ALMS1: variants seen among roughly 807,000 people sequenced by gnomAD.
The protein encoded by ALMS1 is ALMS1 centrosome and basal body associated protein, also known as centrosome-associated protein ALMS1.
A neutral mutation model predicts 352.2 loss-of-function variants in ALMS1; 271 were observed. That is an observed-to-expected ratio of 0.77 (90% CI 0.70 to 0.85). ALMS1 has a LOEUF of 0.85. ALMS1 is among the 40% of genes least tolerant of loss of function. The probability of loss-of-function intolerance (pLI) is 0.00; values close to 1 mark genes in which losing one functional copy is unlikely to be tolerated. For synonymous variants in ALMS1, 1,865 were observed against 1,761.2 expected, an observed-to-expected ratio of 1.06 and a Z score of -1.48; for missense variants, 5,445 against 4,870.7, an observed-to-expected ratio of 1.12 and a Z score of -3.51.
At chr2:73,418,069 T>G (rs993695086) in intron 2 of ALMS1, among the ~76,000 whole-genome samples, 1 of 152,206 alleles carries the variant, frequency 6.6e-6, no homozygotes, top group Admixed American at 6.5e-5. Context: ...TTGTGTTTTA[T>G]ATCTTGGGCT....
intron 15 of ALMS1, among the ~76,000 whole-genome samples, chr2:73,565,916 T>C (rs1217667094): frequency 6.6e-6 from 1 of 152,166 alleles, no homozygotes; most frequent in Admixed American, 6.5e-5. Flanking sequence ...GGAGACATGA[T>C]AATTAAATGT....
intron 2 of ALMS1, among the ~76,000 whole-genome samples, chr2:73,410,619 A>C (rs1055769753): frequency 1.3e-5 from 2 of 152,196 alleles, no homozygotes; most frequent in African/African-American, 4.8e-5. Flanking sequence ...CCTTACATAG[A>C]TGAAAAAGGA....
intron 15 of ALMS1, among the ~76,000 whole-genome samples, chr2:73,561,423 C>G (rs971684658): frequency 6.6e-6 from 1 of 152,210 alleles, no homozygotes; most frequent in African/African-American, 2.4e-5. Flanking sequence ...GTGCCTGTTG[C>G]TGCCTCTGGG....
intron 10 of ALMS1, among the ~76,000 whole-genome samples, chr2:73,494,062 A>G (rs937288247): frequency 6.6e-6 from 1 of 152,218 alleles, no homozygotes; most frequent in African/African-American, 2.4e-5. Context: ...TCACATGGCC[A>G]TGGCTTTGGC....
chr2:73,597,508 G>A (rs941370506), intron 16 of ALMS1, among the ~76,000 whole-genome samples: 1 of 152,096 alleles, frequency 6.6e-6, no homozygotes, highest in African/African-American at 2.4e-5. Context: ...TGCAGAGAAG[G>A]TATAATGTAT....
chr2:73,606,340 T>C (rs1423549997), intron 21 of ALMS1, among the ~76,000 whole-genome samples: 1 of 152,224 alleles, frequency 6.6e-6, no homozygotes, highest in Admixed American at 6.5e-5. Flanking sequence ...AAAATATTTT[T>C]GAACCACTGC....
At chr2:73,407,996 G>T (rs1471744684) in intron 1 of ALMS1, among the ~76,000 whole-genome samples, 1 of 151,902 alleles carries the variant, frequency 6.6e-6, no homozygotes, top group African/African-American at 2.4e-5. Context: ...TCTTTTTGTG[G>T]TTGTTTCTGC....
rs768094497 is a variant in ALMS1 at position 73,451,114 on chromosome 2, G to C, written c.4587G>C (p.Lys1529Asn). The stretch of plus-strand genomic sequence containing the variant: ...CTTCCTACTCACAACATAGAGCAAA[G>C]TCTGGCAGTTTCTACCAACTGGCAT... ...TSPSYSQHRA[K>N]SGSFYQLALL... The change falls in exon 8 of 23, where the codon AAG becomes AAC. Residue 1529 changes from lysine to asparagine, a missense_variant. Transcript: ENST00000613296. 6.2e-6 allele frequency: 10 copies of C among 1,613,650 alleles called. No individual in the cohort carries two copies. Among genetic ancestry groups the C allele is most frequent in the Non-Finnish European group, 3.4e-6 (4 of 1,179,938 alleles).
intron 12 of ALMS1, among the ~76,000 whole-genome samples, chr2:73,539,381 C>T (rs1415117056): frequency 6.6e-6 from 1 of 152,098 alleles, no homozygotes; most frequent in Non-Finnish European, 1.5e-5. Flanking sequence ...CTGTACGTCA[C>T]CATCATCAAA....
rs1574423870 is a variant in ALMS1, at chr2:73,385,970, G to C, written c.102G>C (p.Ala34=). The C allele has an allele frequency of 1.3e-6, 2 of 1,524,842 alleles. No individual in the cohort carries two copies. 94.5% of individuals were successfully genotyped at this position (1,524,842 alleles called of 1,614,324 possible). ...EEEEEAAAAA[A]ANVDDVVVVE... ...AGGAGGAGGCTGCAGCGGCGGCGGCGGCGAACGTGGACGACGTAGTGGTCG... is the reference window on the plus strand; with the variant it reads ...AGGAGGAGGCTGCAGCGGCGGCGGCCGCGAACGTGGACGACGTAGTGGTCG... The change falls in exon 1 of 23, where the codon GCG becomes GCC. Residue 34 remains alanine, a synonymous_variant. Coordinates refer to ENST00000613296, the MANE Select transcript of ALMS1 (RefSeq NM_001378454.1).
chr2:73,541,842 C>T (rs1382732662), intron 12 of ALMS1, among the ~76,000 whole-genome samples: 2 of 152,170 alleles, frequency 1.3e-5, no homozygotes, highest in Non-Finnish European at 2.9e-5. Context: ...TCTGAATAGA[C>T]CAGTAACAGG....
intron 13 of ALMS1, among the ~76,000 whole-genome samples, chr2:73,554,606 A>C (rs939214751): frequency 6.6e-6 from 1 of 151,868 alleles, no homozygotes; most frequent in African/African-American, 2.4e-5. Context: ...CCAGCTACTC[A>C]GGAGGCTGAT....
At chr2:73,457,537 C>G (rs1279612543) in intron 9 of ALMS1, among the ~76,000 whole-genome samples, 1 of 152,110 alleles carries the variant, frequency 6.6e-6, no homozygotes, top group African/African-American at 2.4e-5. Flanking sequence ...ACGCCTCGCC[C>G]TATGTAATAC....
In ALMS1 at chr2:73,482,702, T is replaced by C. The variant is rs1672737736; in HGVS notation, c.7675-6932T>C. Reference sequence around the variant, plus strand: ...GGTAGAATTCGGCTGTTAATCCATCTGGTCCTGGACTCTTTTTGGTTGGTA... The same window carrying C: ...GGTAGAATTCGGCTGTTAATCCATCCGGTCCTGGACTCTTTTTGGTTGGTA... On this transcript the variant is annotated intron_variant, in intron 9 of 22. Coordinates refer to ENST00000613296, the MANE Select transcript of ALMS1 (RefSeq NM_001378454.1). Among the ~76,000 whole-genome samples the C allele has an allele frequency of 2.0e-5, 3 of 152,206 alleles. No individual in the cohort carries two copies. The South Asian group carries it at 6.2e-4, about 32-fold the overall frequency.
At chr2:73,418,017 T>C (rs1393787832) in intron 2 of ALMS1, among the ~76,000 whole-genome samples, 1 of 152,186 alleles carries the variant, frequency 6.6e-6, no homozygotes, top group Non-Finnish European at 1.5e-5. Flanking sequence ...TTGGATAGAG[T>C]AATTTTATCT....
intron 2 of ALMS1, among the ~76,000 whole-genome samples, chr2:73,413,216 A>G (rs1045285206): frequency 6.6e-6 from 1 of 151,994 alleles, no homozygotes; most frequent in African/African-American, 2.4e-5. Context: ...ATAGCTCTAG[A>G]TGCAAGTCCT....
At chr2:73,408,595 C>T in intron 1 of ALMS1, 27 bp from the exon 2 acceptor site, 1 of 1,608,152 alleles carries the variant, frequency 6.2e-7, no homozygotes, top group Non-Finnish European at 8.5e-7. Context: ...TGTTATTACT[C>T]TATTTAAGCC....
intron 9 of ALMS1, among the ~76,000 whole-genome samples, chr2:73,482,627 T>G (rs1488309227): frequency 6.6e-6 from 1 of 152,240 alleles, no homozygotes. Context: ...CTTTTTCCAT[T>G]GATTGGAATA....
chr2:73,454,383 C>A, intron 8 of ALMS1: 1 of 984,620 alleles, frequency 1.0e-6, no homozygotes, highest in African/African-American at 1.7e-5. Flanking sequence ...AAAGAGGTCG[C>A]TTGGGCTCCT....
Sources: allele counts gnomAD v4.1 joint callset (sites outside exome capture counted in the v4.1 genomes callset), GRCh38; gene constraint gnomAD v4.1.1; transcripts MANE v1.5; gene names NCBI Gene and HGNC (gene_info 2026-07-23, HGNC 2026-07-21).